The following ULK4 variants were observed in gnomAD, a reference collection of about 807,000 sequenced individuals.
ULK4 encodes inactive serine/threonine-protein kinase ULK4.
In ULK4, 133 loss-of-function variants were observed where a neutral mutation model predicts 160.6. The ratio of observed to expected loss-of-function variants is 0.83; its 90% CI spans 0.72 to 0.96. The LOEUF (loss-of-function observed/expected upper bound fraction) is 0.96. Among genes scored for constraint, ULK4 ranks in the 40% least tolerant of loss-of-function variants. ULK4 has a pLI of 0.00. For missense variants in ULK4, 1,580 were observed against 1,499.5 expected (o/e 1.05, Z -0.89); for synonymous variants, 534 against 539.8 (o/e 0.99, Z 0.15).
chr3:41,407,471 C>T (rs945192267), intron 34 of ULK4, among the ~76,000 whole-genome samples: 1 of 152,100 alleles, frequency 6.6e-6, no homozygotes, highest in African/African-American at 2.4e-5. Context: ...CATGCCAAAA[C>T]CCTCAACAAA....
At position 41,900,712 on chromosome 3, in the gene ULK4, T is replaced by C; in HGVS notation, c.1287+13A>G. The C allele has an allele frequency of 6.2e-7, 1 of 1,603,806 alleles. No individual in the cohort carries two copies. The highest frequency in any genetic ancestry group is 1.1e-5 in the South Asian group (1 of 90,212). ...AAAGTCTACAACTCAGTTGTTAGAGTGTCTTTCTGCACCTTTGGATTGTCG... is the reference window on the plus strand; with the variant it reads ...AAAGTCTACAACTCAGTTGTTAGAGCGTCTTTCTGCACCTTTGGATTGTCG... On this transcript the variant is annotated intron_variant, in intron 13 of 36. Coordinates refer to ENST00000301831, the MANE Select transcript of ULK4 (RefSeq NM_017886.4).
chr3:41,706,246 T>C (rs932390289), intron 25 of ULK4, among the ~76,000 whole-genome samples: 2 of 151,456 alleles, frequency 1.3e-5, no homozygotes, highest in African/African-American at 4.9e-5. Context: ...ACAGAAAAGG[T>C]ACTCCATGAC....
chr3:41,823,761 C>T (rs78831998), intron 18 of ULK4, among the ~76,000 whole-genome samples: 4,361 of 152,282 alleles, frequency 0.029, 222 homozygotes, highest in African/African-American at 0.1. Context: ...TTTTTGTAGA[C>T]TCAGGGACTT....
chr3:41,399,248 G>A (rs1286169844), intron 34 of ULK4, among the ~76,000 whole-genome samples: 2 of 152,110 alleles, frequency 1.3e-5, no homozygotes, highest in Non-Finnish European at 2.9e-5. Flanking sequence ...CTTCCCTGAT[G>A]GCTAATGATG....
chr3:41,489,368 T>C (rs2084664086), intron 32 of ULK4, among the ~76,000 whole-genome samples: 1 of 152,188 alleles, frequency 6.6e-6, no homozygotes, highest in Non-Finnish European at 1.5e-5. Context: ...TATAATCCTT[T>C]ATCAGGTACA....
chr3:41,744,561 G>GA (rs1256698288), intron 22 of ULK4, among the ~76,000 whole-genome samples: 1 of 151,782 alleles, frequency 6.6e-6, no homozygotes, highest in Non-Finnish European at 1.5e-5. Context: ...AAATTTGTTA[G>GA]AAAGCAAAAA....
At chr3:41,397,495 C>G (rs2082087076) in intron 35 of ULK4, among the ~76,000 whole-genome samples, 2 of 152,140 alleles carry the variant, frequency 1.3e-5, no homozygotes, top group Admixed American at 1.3e-4. Flanking sequence ...CAATTTACTT[C>G]TAGAGTACTA....
At chr3:41,308,822 A>G (rs2079996297) in intron 35 of ULK4, among the ~76,000 whole-genome samples, 1 of 100,996 alleles carries the variant, frequency 9.9e-6, no homozygotes, top group Non-Finnish European at 1.9e-5. Context: ...AAATATTCCA[A>G]ATCCAAAACA....
chr3:41,446,106 C>T (rs74650489), intron 34 of ULK4, among the ~76,000 whole-genome samples: 2,912 of 152,146 alleles, frequency 0.019, 54 homozygotes, highest in Middle Eastern at 0.048. Context: ...TTTATGCAGC[C>T]AAAACACACA....
At chr3:41,920,302 T>C (rs891557164) in intron 5 of ULK4, among the ~76,000 whole-genome samples, 1 of 152,188 alleles carries the variant, frequency 6.6e-6, no homozygotes, top group Non-Finnish European at 1.5e-5. Flanking sequence ...CACTGGCTCC[T>C]AAAATTCCCA....
At chr3:41,810,766 G>T (rs2040798726) in intron 19 of ULK4, among the ~76,000 whole-genome samples, 1 of 152,212 alleles carries the variant, frequency 6.6e-6, no homozygotes, top group African/African-American at 2.4e-5. Flanking sequence ...CATTCAAACT[G>T]TTGGGCTAGT....
chr3:41,877,059 T>G (rs1697330525), intron 17 of ULK4, among the ~76,000 whole-genome samples: 2 of 152,282 alleles, frequency 1.3e-5, no homozygotes, highest in South Asian at 4.2e-4. Context: ...AGAAAGAAAG[T>G]ACAAAGTAAT....
intron 5 of ULK4, among the ~76,000 whole-genome samples, chr3:41,926,797 A>C (rs1699403129): frequency 6.6e-6 from 1 of 152,230 alleles, no homozygotes; most frequent in African/African-American, 2.4e-5. Flanking sequence ...ACAAGGTTAG[A>C]GAAAAAAAGA....
chr3:41,928,396 TA>T (rs894950371), intron 5 of ULK4, among the ~76,000 whole-genome samples: 1 of 151,772 alleles, frequency 6.6e-6, no homozygotes, highest in African/African-American at 2.4e-5. Context: ...CAAGAGAAAG[TA>T]GGAAAGATCT....
intron 17 of ULK4, among the ~76,000 whole-genome samples, chr3:41,842,967 TCCATAGGAAA>T (rs1399050304): frequency 7.2e-5 from 11 of 152,314 alleles, no homozygotes; most frequent in Admixed American, 3.3e-4. Context: ...CCATCAGGCA[TCCATAGGAAA>T]GCAAAAAGTG....
intron 35 of ULK4, among the ~76,000 whole-genome samples, chr3:41,274,497 G>A (rs992115657): frequency 1.3e-5 from 2 of 152,154 alleles, no homozygotes; most frequent in African/African-American, 4.8e-5. Context: ...CAGTGGTAAT[G>A]TTTTCTCTCA....
intron 21 of ULK4, among the ~76,000 whole-genome samples, chr3:41,759,819 C>T (rs2038926413): frequency 6.6e-6 from 1 of 152,064 alleles, no homozygotes; most frequent in Non-Finnish European, 1.5e-5. Context: ...GTCCATTAGT[C>T]TATGATAAAG....
chr3:41,685,764 G>A (rs867024287), intron 27 of ULK4, among the ~76,000 whole-genome samples: 1 of 152,082 alleles, frequency 6.6e-6, no homozygotes, highest in African/African-American at 2.4e-5. Context: ...GCTCTTCAGA[G>A]AGTCTGTCTG....
intron 27 of ULK4, among the ~76,000 whole-genome samples, chr3:41,691,490 G>C (rs537172024): frequency 6.6e-6 from 1 of 151,946 alleles, no homozygotes; most frequent in African/African-American, 2.4e-5. Flanking sequence ...ATGCCCCCGA[G>C]TCAAATTCTT....
Sources: gnomAD v4.1 joint callset for allele counts (sites outside exome capture counted in the v4.1 genomes callset) on GRCh38, gnomAD v4.1.1 for gene constraint, MANE v1.5 for transcripts, NCBI Gene and HGNC (gene_info 2026-07-23, HGNC 2026-07-21) for gene names.